Variants in IQCM observed in about 807,000 individuals in gnomAD.
The protein encoded by IQCM is IQ domain-containing protein M.
In IQCM, 45 loss-of-function variants were observed where a neutral mutation model predicts 57.6. The ratio of observed to expected loss-of-function variants is 0.78; its 90% confidence interval spans 0.62 to 1.00. The LOEUF is 1.00. Among genes scored for constraint, IQCM ranks in the 50% least tolerant of loss-of-function variants. IQCM has a pLI of 0.00. For synonymous variants in IQCM, 148 were observed against 158.9 expected, an observed-to-expected ratio of 0.93 and a Z score of 0.51; for missense variants, 468 against 511.6, an observed-to-expected ratio of 0.91 and a Z score of 0.82.
Position 149,726,196 on chromosome 4 carries a change from C to A in IQCM, c.385+7048G>T, listed in dbSNP as rs138151130. ...ATAGCAAACTATATTTTCACTTTCA[C>A]ATTTTTCCAAATTTGATTATTTCAC... On this transcript the variant is annotated intron_variant, in intron 5 of 13. Coordinates refer to ENST00000636793, the MANE Select transcript of IQCM (RefSeq NM_001363507.2). 6.9e-3 allele frequency among the ~76,000 whole-genome samples: 1,041 copies of A among 150,500 alleles called. 13 individuals carry two copies. The highest frequency in any genetic ancestry group is 0.01 in the Non-Finnish European group (687 of 66,976).
intron 9 of IQCM, among the ~76,000 whole-genome samples, chr4:149,574,996 A>G (rs1048513463): frequency 3.3e-5 from 5 of 151,900 alleles, no homozygotes; most frequent in Admixed American, 1.3e-4. Context: ...TGAAAAGTAA[A>G]TATCACTGCT....
At chr4:149,743,699 TC>T (rs1233413633) in intron 2 of IQCM, among the ~76,000 whole-genome samples, 1 of 152,198 alleles carries the variant, frequency 6.6e-6, no homozygotes, top group Non-Finnish European at 1.5e-5. Context: ...CCTTCATGGT[TC>T]CCAGCTCAGT....
At chr4:149,526,224 G>T (rs979756226) in intron 12 of IQCM, among the ~76,000 whole-genome samples, 1 of 151,902 alleles carries the variant, frequency 6.6e-6, no homozygotes, top group African/African-American at 2.4e-5. Flanking sequence ...AAAGATGTTT[G>T]TAAGGGCACC....
At chr4:149,424,003 T>A (rs1734298576) in intron 13 of IQCM, among the ~76,000 whole-genome samples, 1 of 151,940 alleles carries the variant, frequency 6.6e-6, no homozygotes, top group African/African-American at 2.4e-5. Flanking sequence ...AATGTATTTA[T>A]CCTTAGTTTG....
intron 2 of IQCM, among the ~76,000 whole-genome samples, chr4:149,769,682 TA>T (rs969298131): frequency 8.6e-5 from 13 of 151,052 alleles, no homozygotes; most frequent in South Asian, 4.2e-4. Flanking sequence ...TTGCCAGGGA[TA>T]AAAAAAAACT....
At position 149,386,034 on chromosome 4, in the gene IQCM, C is replaced by A. The variant is rs1165322355; in HGVS notation, c.1391-33968G>T. Among the ~76,000 whole-genome samples the A allele has an allele frequency of 2.6e-5, 4 of 151,934 alleles. No homozygotes were observed. The East Asian group carries it at 7.7e-4, about 29-fold the overall frequency. On this transcript the variant is annotated intron_variant, in intron 13 of 13. Transcript: ENST00000636793. ...TAATGTGATTTTCCTATTTAAAATC[C>A]TTCATTGGCTTCTCACCTCTTAAAG...
intron 2 of IQCM, among the ~76,000 whole-genome samples, chr4:149,813,358 G>T (rs1457655427): frequency 1.3e-5 from 2 of 151,938 alleles, no homozygotes; most frequent in Non-Finnish European, 2.9e-5. Context: ...TAAAAGACAT[G>T]AACCCACAAG....
At chr4:149,624,638 T>A (rs1756641771) in intron 7 of IQCM, among the ~76,000 whole-genome samples, 1 of 152,174 alleles carries the variant, frequency 6.6e-6, no homozygotes, top group Non-Finnish European at 1.5e-5. Context: ...GTTAAAACAA[T>A]CCCCACATCT....
chr4:149,600,281 T>A (rs1361834609), intron 8 of IQCM, among the ~76,000 whole-genome samples: 6 of 152,142 alleles, frequency 3.9e-5, no homozygotes, highest in Non-Finnish European at 8.8e-5. Context: ...TTTATGTGTA[T>A]TATCTTCAAT....
chr4:149,524,371 CTT>C (rs1382217093), intron 12 of IQCM, among the ~76,000 whole-genome samples: 2 of 151,998 alleles, frequency 1.3e-5, no homozygotes, highest in African/African-American at 4.8e-5. Flanking sequence ...CCAGCTGTAA[CTT>C]AAGATTTGTG....
chr4:149,470,760 C>G (rs946725672), intron 12 of IQCM, among the ~76,000 whole-genome samples: 1 of 152,112 alleles, frequency 6.6e-6, no homozygotes, highest in African/African-American at 2.4e-5. Context: ...GAAATTATAA[C>G]AAACTGTCTC....
Position 149,563,777 on chromosome 4 carries a change from G to T in IQCM, c.863C>A (p.Pro288Gln). The change falls in exon 10 of 14, where the codon CCA becomes CAA. Residue 288 changes from proline to glutamine, a missense_variant. Physicochemically the swap from Pro to Gln is moderately conservative, Grantham distance 76. Transcript: ENST00000636793. ...GACGGTGACCATTCTAATCAATTTT[G>T]GGGTAATCATGAATTTTTTTCTTTC... ...FRERKKFMIT[P>Q]KLIRMVTVMQ... 8.1e-7 allele frequency: 1 copy of T among 1,231,828 alleles called. No individual in the cohort carries two copies. The highest frequency in any genetic ancestry group is 1.0e-6 in the Non-Finnish European group (1 of 987,874). 76.3% of individuals were successfully genotyped at this position (1,231,828 alleles called of 1,614,324 possible).
chr4:149,704,706 C>T (rs1197128083), intron 5 of IQCM, among the ~76,000 whole-genome samples: 1 of 151,840 alleles, frequency 6.6e-6, no homozygotes. Flanking sequence ...TATGTGTCAA[C>T]TTGATTGAGC....
intron 13 of IQCM, among the ~76,000 whole-genome samples, chr4:149,354,398 T>C (rs888561912): frequency 7.3e-5 from 8 of 109,954 alleles, no homozygotes; most frequent in Admixed American, 5.9e-4. Context: ...AACTGACAAA[T>C]TAGGCCACAG....
chr4:149,778,152 G>A (rs1771272250), intron 2 of IQCM, among the ~76,000 whole-genome samples: 2 of 152,190 alleles, frequency 1.3e-5, no homozygotes, highest in Admixed American at 6.5e-5. Flanking sequence ...CAAGGCGGGT[G>A]GATCACGAGG....
intron 9 of IQCM, among the ~76,000 whole-genome samples, chr4:149,565,055 G>T (rs970240331): frequency 7.9e-5 from 12 of 151,714 alleles, no homozygotes; most frequent in African/African-American, 2.9e-4. Context: ...GCAATTTTTG[G>T]CATATAAAAA....
At chr4:149,562,723 T>A (rs889484996) in intron 10 of IQCM, among the ~76,000 whole-genome samples, 8 of 152,192 alleles carry the variant, frequency 5.3e-5, no homozygotes, top group African/African-American at 1.7e-4. Flanking sequence ...GAGTTTTACA[T>A]GTATTATCAT....
At chr4:149,594,898 A>C (rs901754157) in intron 8 of IQCM, among the ~76,000 whole-genome samples, 2 of 152,058 alleles carry the variant, frequency 1.3e-5, no homozygotes. Context: ...TTTTGGAATA[A>C]GTGTGATGTC....
intron 9 of IQCM, among the ~76,000 whole-genome samples, chr4:149,577,857 T>G: frequency 6.6e-6 from 1 of 151,770 alleles, no homozygotes; most frequent in East Asian, 1.9e-4. Context: ...TTCCTATTAG[T>G]AAGCATGTTT....
Sources: allele counts gnomAD v4.1 joint callset (sites outside exome capture counted in the v4.1 genomes callset), GRCh38; gene constraint gnomAD v4.1.1; transcripts MANE v1.5; gene names NCBI Gene and HGNC (gene_info 2026-07-23, HGNC 2026-07-21).